BFSP2: variants seen among roughly 807,000 people sequenced by gnomAD.
BFSP2 encodes phakinin.
Under a neutral mutation model 44.9 loss-of-function variants are expected in BFSP2, and 38 were observed. The ratio of observed to expected loss-of-function variants is 0.85; its 90% CI spans 0.65 to 1.11. The LOEUF (loss-of-function observed/expected upper bound fraction) is 1.11, where lower values mean the gene tolerates loss of function less well. Ranked by LOEUF, BFSP2 falls within the 50% of genes least tolerant of loss-of-function variation. BFSP2 has a pLI of 0.00. For synonymous variants in BFSP2, 197 were observed against 209.9 expected (o/e 0.94, Z 0.53); for missense variants, 525 against 533.0 (o/e 0.99, Z 0.15).
At chr3:133,452,843 G>C (rs537239662) in intron 4 of BFSP2, among the ~76,000 whole-genome samples, 3 of 151,974 alleles carry the variant, frequency 2.0e-5, no homozygotes, top group Admixed American at 2.0e-4. Context: ...TGTGGTAACT[G>C]TTTCTTTGGG....
At chr3:133,403,029 A>G (rs2073374649) in intron 1 of BFSP2, among the ~76,000 whole-genome samples, 1 of 152,148 alleles carries the variant, frequency 6.6e-6, no homozygotes, top group Non-Finnish European at 1.5e-5. Context: ...AAAACTCCAT[A>G]ATTGAGAAAT....
In BFSP2 at chr3:133,400,306, C is replaced by A. The variant is rs766843026; in HGVS notation, c.223C>A (p.Arg75Ser). 1.9e-6 allele frequency: 3 copies of A among 1,614,012 alleles called. No individual in the cohort carries two copies. Among genetic ancestry groups the A allele is most frequent in the Non-Finnish European group, 2.5e-6 (3 of 1,180,034 alleles). The change falls in exon 1 of 7, where the codon CGC (arginine) becomes AGC (serine). Residue 75 changes from arginine to serine, a missense_variant. By Grantham distance (110) the Arg-to-Ser change is moderately radical (BLOSUM62 -1). Coordinates refer to ENST00000302334, the MANE Select transcript of BFSP2 (RefSeq NM_003571.4). The surrounding 1 kb of genome is among the most constrained non-coding windows in gnomAD (Gnocchi z 4.0). ...AGGTGGCTTGGGTGCCCGTGTGACC[C>A]GCCGGGCCCTCGGCATCAGCAGTGT... ...CIGGLGARVT[R>S]RALGISSVFL...
rs80176276 is a variant in BFSP2, at chr3:133,400,493, G to A, written c.410G>A (p.Arg137Gln). The A allele has an allele frequency of 1.3e-4, 210 of 1,613,966 alleles. 1 individual carries two copies. The East Asian group carries it at 4.1e-3, about 31-fold the overall frequency. Reference sequence around the variant, plus strand: ...AGTCAGGAGCTGGAAACACAACTGCGGATGCACCTGGAGAGCAAAGCCACA... The same window carrying A: ...AGTCAGGAGCTGGAAACACAACTGCAGATGCACCTGGAGAGCAAAGCCACA... ...QVSQELETQL[R>Q]MHLESKATRS... Residue 137 changes from arginine to glutamine, a missense_variant, in exon 1 of 7, where the codon CGG becomes CAG. Physicochemically the swap from Arg to Gln is conservative, Grantham distance 43. Transcript: ENST00000302334. This position sits in a 1 kb window ranked among gnomAD's most constrained non-coding sequence, Gnocchi z 4.0.
chr3:133,429,917 C>A (rs1376543189), intron 1 of BFSP2, among the ~76,000 whole-genome samples: 4 of 151,228 alleles, frequency 2.6e-5, no homozygotes, highest in Non-Finnish European at 5.9e-5. Flanking sequence ...ACCCCCACCC[C>A]ACAACAGTCC....
At chr3:133,425,764 T>A (rs10935061) in intron 1 of BFSP2, among the ~76,000 whole-genome samples, 17 of 137,984 alleles carry the variant, frequency 1.2e-4, no homozygotes, top group Admixed American at 3.0e-4. Flanking sequence ...GACAAAGGGA[T>A]GGGAAAGGGA....
chr3:133,436,048 G>T (rs568845640), intron 1 of BFSP2, among the ~76,000 whole-genome samples: 2 of 152,210 alleles, frequency 1.3e-5, no homozygotes, highest in African/African-American at 4.8e-5. Flanking sequence ...AACTTAGTAT[G>T]AGTTTATTTT....
intron 1 of BFSP2, among the ~76,000 whole-genome samples, chr3:133,446,865 C>T (rs971271411): frequency 2.0e-5 from 3 of 151,630 alleles, no homozygotes; most frequent in Non-Finnish European, 2.9e-5. Context: ...CTGGACAGTG[C>T]AGACAGAGCA....
At chr3:133,417,127 A>C (rs1323775759) in intron 1 of BFSP2, among the ~76,000 whole-genome samples, 3 of 77,394 alleles carry the variant, frequency 3.9e-5, no homozygotes, top group Admixed American at 1.7e-4. Flanking sequence ...TCTCCCCTCT[A>C]CTTACCCCTG....
At position 133,441,353 on chromosome 3, in the gene BFSP2, C is replaced by T. The variant is rs200135863; in HGVS notation, c.490-5964C>T. 7.9e-5 allele frequency among the ~76,000 whole-genome samples: 12 copies of T among 152,250 alleles called. No individual in the cohort carries two copies. In the East Asian group the frequency reaches 9.7e-4, roughly 12 times the overall value. ...AGCCACTGGTGTGAGCCCCTGCACT[C>T]GGCCTCAGATGCAATCTTAACTCAC... On this transcript the variant is annotated intron_variant, in intron 1 of 6. Transcript: ENST00000302334.
intron 1 of BFSP2, among the ~76,000 whole-genome samples, chr3:133,423,237 C>T (rs534457369): frequency 2.0e-5 from 3 of 151,934 alleles, no homozygotes; most frequent in East Asian, 3.9e-4. Flanking sequence ...TGGTGCAAGC[C>T]GTAAAGTGCA....
At chr3:133,472,951 CTT>C (rs745554127) in intron 6 of BFSP2, among the ~76,000 whole-genome samples, 29 of 141,910 alleles carry the variant, frequency 2.0e-4, no homozygotes, top group Admixed American at 2.1e-4. Flanking sequence ...CCCTGCGCAT[CTT>C]TTTTTTTTTT....
intron 1 of BFSP2, among the ~76,000 whole-genome samples, chr3:133,422,596 T>C (rs1413825775): frequency 3.3e-5 from 5 of 152,184 alleles, no homozygotes; most frequent in Non-Finnish European, 7.4e-5. Context: ...ATGAAGCCTA[T>C]AGAAGAGAGG....
At chr3:133,406,681 G>A (rs1381179059) in intron 1 of BFSP2, among the ~76,000 whole-genome samples, 2 of 152,012 alleles carry the variant, frequency 1.3e-5, no homozygotes, top group Admixed American at 6.6e-5. Context: ...TCTCTAAGAA[G>A]GAAACACTAG....
chr3:133,410,530 C>T lies in BFSP2; in HGVS notation c.489+9958C>T, dbSNP rs977687505. ...CAGCATAGCAAGGAATATCAGCGCT[C>T]CAAATCACCTGGGGACCCTAATGCA... On this transcript the variant is annotated intron_variant, in intron 1 of 6. Transcript: ENST00000302334. 1.4e-5 allele frequency: 4 copies of T among 276,698 alleles called. No homozygotes were observed. In the Admixed American group the frequency reaches 1.6e-4, roughly 11 times the overall value. 17.1% of individuals were successfully genotyped at this position (276,698 alleles called of 1,614,324 possible). A position where few individuals can be genotyped will look rare whatever the true frequency, so the allele number is the denominator to read the frequency against.
At chr3:133,449,870 C>G (rs1394854064) in intron 3 of BFSP2, among the ~76,000 whole-genome samples, 1 of 150,282 alleles carries the variant, frequency 6.7e-6, no homozygotes, top group Non-Finnish European at 1.5e-5. Flanking sequence ...GCCTGGGTGA[C>G]AGAGTGAGAC....
intron 1 of BFSP2, among the ~76,000 whole-genome samples, chr3:133,402,652 T>A (rs2073371498): frequency 6.6e-6 from 1 of 151,796 alleles, no homozygotes; most frequent in Non-Finnish European, 1.5e-5. Flanking sequence ...TCTTTTTTTT[T>A]TTTTTTGAGA....
intron 4 of BFSP2, among the ~76,000 whole-genome samples, chr3:133,454,525 C>T (rs1048711593): frequency 2.0e-5 from 3 of 152,224 alleles, no homozygotes; most frequent in African/African-American, 7.2e-5. Context: ...AGACAGCCCT[C>T]ACTTCAGATG....
intron 4 of BFSP2, among the ~76,000 whole-genome samples, chr3:133,464,271 G>T (rs1002216681): frequency 2.6e-5 from 4 of 152,204 alleles, no homozygotes; most frequent in Admixed American, 6.5e-5. Context: ...TGGTGGAGAT[G>T]ACAACATTAA....
intron 1 of BFSP2, chr3:133,410,992 TC>T (rs2073446732): frequency 6.6e-6 from 1 of 152,262 alleles, no homozygotes; most frequent in Non-Finnish European, 1.5e-5. Context: ...GTGAGCCACT[TC>T]CAAGTGAATC....
Sources: gnomAD v4.1 joint callset for allele counts (sites outside exome capture counted in the v4.1 genomes callset) on GRCh38, gnomAD v4.1.1 for gene constraint, Gnocchi (gnomAD v3.1) non-coding constraint, MANE v1.5 for transcripts, NCBI Gene and HGNC (gene_info 2026-07-23, HGNC 2026-07-21) for gene names.